FBXO17: variants seen among roughly 807,000 people sequenced by gnomAD.
FBXO17 encodes F-box protein 17, also known as F-box only protein 17.
Under a neutral mutation model 34.1 loss-of-function variants are expected in FBXO17, and 43 were observed. That is an observed-to-expected ratio of 1.26 (90% CI 0.99 to 1.62). The LOEUF is 1.62. Among genes scored for constraint, FBXO17 ranks in the 40% most tolerant of loss-of-function variants. FBXO17 has a pLI of 0.00. For missense variants in FBXO17, 424 were observed against 386.7 expected (o/e 1.10, Z -0.81); for synonymous variants, 169 against 166.0 (o/e 1.02, Z -0.14).
At chr19:38,948,511 C>G in intron 3 of FBXO17, 56 bp downstream of exon 3, 5 of 1,389,388 alleles carry the variant, frequency 3.6e-6, no homozygotes, top group Non-Finnish European at 5.0e-6. Flanking sequence ...GGGGTAGGGT[C>G]CCTTTCTTTG....
intron 1 of FBXO17, among the ~76,000 whole-genome samples, chr19:38,954,008 A>C (rs1975125047): frequency 6.6e-6 from 1 of 152,082 alleles, no homozygotes; most frequent in South Asian, 2.1e-4. Context: ...GGAGAAGGGA[A>C]AAGGTGTGAA....
At chr19:38,972,037 C>T (rs1458475154) in intron 1 of FBXO17, among the ~76,000 whole-genome samples, 1 of 152,084 alleles carries the variant, frequency 6.6e-6, no homozygotes, top group Non-Finnish European at 1.5e-5. Context: ...CAGCAACGTG[C>T]CCAAGGTCAC....
rs377279012 is a variant in FBXO17, at chr19:38,945,003, G to A, written c.659C>T (p.Pro220Leu). 33 of 1,613,928 alleles carry A rather than the reference G, an allele frequency of 2.0e-5. No individual in the cohort carries two copies. The East Asian group carries it at 2.5e-4, about 12-fold the overall frequency. ...GCCCCTCTCAGTCCACTGAAGGACC[G>A]GGTCAGGTGAGGCTGAGAACTTGAC... The part of the protein sequence containing the change: ...EVVKFSASPD[P>L]VLQWTERGCR... The change falls in exon 5 of 6, where the codon CCG becomes CTG. Residue 220 changes from proline (P) to leucine (L), a missense_variant. Transcript: ENST00000292852.
intron 1 of FBXO17, among the ~76,000 whole-genome samples, chr19:38,974,658 A>T (rs77985810): frequency 0.1 from 15,941 of 152,180 alleles, 915 homozygotes; most frequent in South Asian, 0.12. Context: ...ATAAGAAATA[A>T]CAATCCAAAA....
chr19:38,942,520 C>A lies in FBXO17; in HGVS notation c.*88G>T. 4 of 1,390,182 alleles carry A rather than the reference C, an allele frequency of 2.9e-6. No homozygotes were observed. In the South Asian group the frequency reaches 6.9e-5, roughly 24 times the overall value. The allele number at this position is 1,390,182 out of a possible 1,614,324, so 86.1% of individuals were successfully genotyped here. ...CCAGTGATCCTCCCACCTCGGCCTC[C>A]TGAAGTGCTGGGATTCCACAGGTGT... On this transcript the variant is annotated 3_prime_UTR_variant, in exon 6 of 6. Transcript: ENST00000292852.
At chr19:38,970,918 T>C (rs1975382706) in intron 1 of FBXO17, among the ~76,000 whole-genome samples, 2 of 151,704 alleles carry the variant, frequency 1.3e-5, no homozygotes, top group Non-Finnish European at 2.9e-5. Context: ...CTGGTCAACA[T>C]AGTGAAACCC....
chr19:38,959,401 C>A (rs148690301), intron 1 of FBXO17, among the ~76,000 whole-genome samples: 1 of 151,290 alleles, frequency 6.6e-6, no homozygotes, highest in African/African-American at 2.4e-5. Context: ...GCCTCAGCCT[C>A]CAGAGTAGCT....
At position 38,941,496 on chromosome 19, in the gene FBXO17, G is replaced by A. The variant is rs1134180; in HGVS notation, c.*1112C>T. On this transcript the variant is annotated 3_prime_UTR_variant, in exon 6 of 6. Coordinates refer to ENST00000292852, the MANE Select transcript of FBXO17 (RefSeq NM_024907.7). The stretch of plus-strand genomic sequence containing the variant: ...ACATATTTATTGACAGCAAGCCAGT[G>A]ATAAGCATTATTTCTATAGATTATA... 0.23 allele frequency: 35,642 copies of A among 152,130 alleles called. 4,552 individuals carry two copies. Among genetic ancestry groups the A allele is most frequent in the Admixed American group, 0.34 (5,250 of 15,268 alleles). The allele number at this position is 152,130 out of a possible 1,614,324, so 9.4% of individuals were successfully genotyped here. A position where few individuals can be genotyped will look rare whatever the true frequency, so the allele number is the denominator to read the frequency against.
chr19:38,960,443 C>A (rs2144832821), intron 1 of FBXO17, among the ~76,000 whole-genome samples: 1 of 152,266 alleles, frequency 6.6e-6, no homozygotes, highest in African/African-American at 2.4e-5. Flanking sequence ...ACCCGAACAG[C>A]TGGCGCTCCT....
intron 1 of FBXO17, among the ~76,000 whole-genome samples, chr19:38,974,029 T>C (rs944851788): frequency 3.6e-5 from 4 of 110,710 alleles, no homozygotes; most frequent in Non-Finnish European, 8.0e-5. Context: ...TATATATATA[T>C]ATACATATAT....
chr19:38,958,239 C>T (rs1055260925), intron 1 of FBXO17, among the ~76,000 whole-genome samples: 1 of 151,332 alleles, frequency 6.6e-6, no homozygotes, highest in African/African-American at 2.4e-5. Flanking sequence ...TGGTGAAACC[C>T]GTCTCTACTA....
In FBXO17 at chr19:38,948,580, C is replaced by T. The variant is rs982043169; in HGVS notation, c.448G>A (p.Val150Met). 20 of 1,613,682 alleles carry T rather than the reference C, an allele frequency of 1.2e-5. No individual in the cohort carries two copies. Among genetic ancestry groups the T allele is most frequent in the South Asian group, 8.8e-5 (8 of 91,036 alleles). ...TGGGCCACTCACTCGAAAGAGGTCA[C>T]GAAGCAGGTCTGCGAAGGAGCCCCA... is the stretch of plus-strand genomic sequence containing the variant. ...VPGAPSQTCF[V>M]TSFEWCSKRQ... The change falls in exon 3 of 6, where the codon GTG becomes ATG. Residue 150 changes from valine to methionine, a missense_variant. By Grantham distance (21) the Val-to-Met change is conservative. Transcript: ENST00000292852.
At chr19:38,966,248 G>T (rs9676853) in intron 1 of FBXO17, among the ~76,000 whole-genome samples, 15,780 of 151,096 alleles carry the variant, frequency 0.1, 901 homozygotes, top group South Asian at 0.12. Flanking sequence ...GGGATTACAG[G>T]CATGAGCCAC....
In FBXO17 at chr19:38,942,502, T is replaced by G; in HGVS notation, c.*106A>C. ...GTCTTGAACTCCCGAGCTCCAGTGA[T>G]CCTCCCACCTCGGCCTCCTGAAGTG... On this transcript the variant is annotated 3_prime_UTR_variant, in exon 6 of 6. Coordinates refer to ENST00000292852, the MANE Select transcript of FBXO17 (RefSeq NM_024907.7). 1 of 1,241,398 alleles carries G rather than the reference T, an allele frequency of 8.1e-7. No individual in the cohort carries two copies. 76.9% of individuals were successfully genotyped at this position (1,241,398 alleles called of 1,614,324 possible). A position where few individuals can be genotyped will look rare whatever the true frequency, so the allele number is the denominator to read the frequency against.
rs1568435697 is a variant in FBXO17 at position 38,941,496 on chromosome 19, G to GTCATTATTTCT, written c.*1111_*1112insAGAAATAATGA. The GTCATTATTTCT allele has an allele frequency of 6.6e-6, 1 of 152,072 alleles. No individual in the cohort carries two copies. Among genetic ancestry groups the GTCATTATTTCT allele is most frequent in the East Asian group, 1.9e-4 (1 of 5,194 alleles). 9.4% of individuals were successfully genotyped at this position (152,072 alleles called of 1,614,324 possible). The stretch of plus-strand genomic sequence containing the variant: ...ACATATTTATTGACAGCAAGCCAGT[G>GTCATTATTTCT]ATAAGCATTATTTCTATAGATTATA... On this transcript the variant is annotated 3_prime_UTR_variant, in exon 6 of 6. Coordinates refer to ENST00000292852, the MANE Select transcript of FBXO17 (RefSeq NM_024907.7).
At chr19:38,959,272 T>C (rs1975213004) in intron 1 of FBXO17, among the ~76,000 whole-genome samples, 2 of 97,652 alleles carry the variant, frequency 2.0e-5, no homozygotes, top group African/African-American at 8.3e-5. Context: ...TCTTTCTTTC[T>C]TTCTTTCTTT....
chr19:38,955,384 G>A (rs1232437094), intron 1 of FBXO17, among the ~76,000 whole-genome samples: 2 of 152,110 alleles, frequency 1.3e-5, no homozygotes, highest in East Asian at 3.9e-4. Flanking sequence ...ATGAGTCACC[G>A]CATGCAGCGT....
At chr19:38,946,223 T>C in intron 4 of FBXO17, 1 of 579,696 alleles carries the variant, frequency 1.7e-6, no homozygotes, top group Admixed American at 3.4e-5. Context: ...ATCAAGCCAG[T>C]CAGTGGCCCC....
rs71167604 is a variant in FBXO17 at position 38,962,106 on chromosome 19, T to TA, written c.-17-11771dup. 2.2e-3 allele frequency among the ~76,000 whole-genome samples: 205 copies of TA among 92,376 alleles called. 1 individual carries two copies. The highest frequency in any genetic ancestry group is 3.7e-3 in the South Asian group (10 of 2,726). 60.6% of individuals were successfully genotyped at this position (92,376 alleles called of 152,430 possible). A position where few individuals can be genotyped will look rare whatever the true frequency, so the allele number is the denominator to read the frequency against. On this transcript the variant is annotated intron_variant, in intron 1 of 5. Transcript: ENST00000292852. ...GTTCTAGCCCACCCAGGGACGCTGT[T>TA]AAAAAAAAAAAAAAAAAAAAAAGCT...
Sources: gnomAD v4.1 joint callset for allele counts (sites outside exome capture counted in the v4.1 genomes callset) on GRCh38, gnomAD v4.1.1 for gene constraint, MANE v1.5 for transcripts, NCBI Gene and HGNC (gene_info 2026-07-23, HGNC 2026-07-21) for gene names.